The following PAFAH1B2 variants were observed in gnomAD, a reference collection of about 807,000 sequenced individuals.
PAFAH1B2 encodes the protein platelet activating factor acetylhydrolase 1b catalytic subunit 2, also known as platelet-activating factor acetylhydrolase IB subunit alpha2.
A neutral mutation model predicts 28.0 loss-of-function variants in PAFAH1B2; 8 were observed. The ratio of observed to expected loss-of-function variants is 0.29; its 90% CI spans 0.17 to 0.52. PAFAH1B2 has a LOEUF of 0.52. PAFAH1B2 is among the 20% of genes least tolerant of loss of function. PAFAH1B2 has a pLI of 0.97. For synonymous variants in PAFAH1B2, 104 were observed against 103.2 expected, an observed-to-expected ratio of 1.01 and a Z score of -0.05; for missense variants, 190 against 282.6, an observed-to-expected ratio of 0.67 and a Z score of 2.35.
At chr11:117,145,870 T>C (rs576007698) in intron 1 of PAFAH1B2, among the ~76,000 whole-genome samples, 105 of 152,304 alleles carry the variant, frequency 6.9e-4, no homozygotes, top group African/African-American at 2.3e-3. Context: ...TTGTTGGACG[T>C]GGTTTCTCAT....
Position 117,170,625 on chromosome 11 carries a change from T to TA in PAFAH1B2, c.*2926_*2927insA. On this transcript the variant is annotated 3_prime_UTR_variant, in exon 6 of 6. Coordinates refer to ENST00000527958, the MANE Select transcript of PAFAH1B2 (RefSeq NM_002572.4). ...CCCGGCTCTTAGGAATTTTGTCTGT[T>TA]TAAAAAAAAAAAAAAAAAAAAAGTC... The TA allele has an allele frequency of 2.0e-6, 2 of 1,000,996 alleles. No homozygotes were observed. Among genetic ancestry groups the TA allele is most frequent in the Admixed American group, 6.1e-5 (1 of 16,524 alleles). The allele number at this position is 1,000,996 out of a possible 1,614,324, so 62.0% of individuals were successfully genotyped here.
chr11:117,167,672 TGAG>T lies in PAFAH1B2; in HGVS notation c.667_669del (p.Glu223del), dbSNP rs1956543023. The stretch of plus-strand genomic sequence containing the variant: ...TCATGCAGTTGTTGGAGGAAACACC[TGAG>T]GAGAAACAAACCACCATTGCCTGAC... On this transcript the variant is annotated inframe_deletion, in exon 6 of 6. Coordinates refer to ENST00000527958, the MANE Select transcript of PAFAH1B2 (RefSeq NM_002572.4). 2 of 1,565,054 alleles carry T rather than the reference TGAG, an allele frequency of 1.3e-6. No homozygotes were observed. Among genetic ancestry groups the T allele is most frequent in the East Asian group, 2.3e-5 (1 of 43,634 alleles).
intron 5 of PAFAH1B2, among the ~76,000 whole-genome samples, chr11:117,165,831 A>T (rs1956495898): frequency 1.3e-5 from 2 of 150,636 alleles, no homozygotes. Context: ...CAGGTCATGT[A>T]GGATTTTTTT....
At chr11:117,146,841 A>G (rs1250327293) in intron 1 of PAFAH1B2, among the ~76,000 whole-genome samples, 1 of 13,302 alleles carries the variant, frequency 7.5e-5, no homozygotes, top group Non-Finnish European at 6.8e-4. Context: ...ATCTATTGGA[A>G]AAAAAAAAAA....
rs1490922750 is a variant in PAFAH1B2 at position 117,168,789 on chromosome 11, T to A, written c.*1090T>A. On this transcript the variant is annotated 3_prime_UTR_variant, in exon 6 of 6. Transcript: ENST00000527958. Reference sequence around the variant, plus strand: ...ATTTTATTTTTTTTATTGGCTTAGTTGTTTTTTGTTTTGTTTTGTTTGAGA... The same window carrying A: ...ATTTTATTTTTTTTATTGGCTTAGTAGTTTTTTGTTTTGTTTTGTTTGAGA... 10 of 983,354 alleles carry A rather than the reference T, an allele frequency of 1.0e-5. No homozygotes were observed. Among genetic ancestry groups the A allele is most frequent in the African/African-American group, 1.7e-5 (1 of 58,368 alleles). The allele number at this position is 983,354 out of a possible 1,614,324, so 60.9% of individuals were successfully genotyped here.
chr11:117,149,430 G>GTTTTTTTTTTT (rs746125678), intron 1 of PAFAH1B2, among the ~76,000 whole-genome samples: 3,766 of 85,810 alleles, frequency 0.044, 1,097 homozygotes, highest in African/African-American at 0.047. Flanking sequence ...TTTTCTAATC[G>GTTTTTTTTTTT]TTTTTTTTTT....
intron 3 of PAFAH1B2, among the ~76,000 whole-genome samples, chr11:117,160,450 C>T (rs894717203): frequency 2.6e-5 from 4 of 152,126 alleles, no homozygotes; most frequent in Non-Finnish European, 5.9e-5. Context: ...AGGGTTTAGG[C>T]ATTCTTCCAT....
At position 117,163,469 on chromosome 11, in the gene PAFAH1B2, T is replaced by A. The variant is rs565224825; in HGVS notation, c.289-301T>A. Among the ~76,000 whole-genome samples the A allele has an allele frequency of 1.4e-4, 22 of 152,252 alleles. No homozygotes were observed. In the South Asian group the frequency reaches 4.4e-3, roughly 30 times the overall value. ...GGTGGATTACCTGAGGTCAGGAGTT[T>A]GAGACCAGCCTGGGCAACGTGGTGA... is the stretch of plus-strand genomic sequence containing the variant. On this transcript the variant is annotated intron_variant, in intron 4 of 5. Coordinates refer to ENST00000527958, the MANE Select transcript of PAFAH1B2 (RefSeq NM_002572.4).
chr11:117,173,072 T>C (rs1473163735), downstream of PAFAH1B2, among the ~76,000 whole-genome samples: 2 of 152,236 alleles, frequency 1.3e-5, no homozygotes, highest in Non-Finnish European at 2.9e-5. Context: ...CTCATTTTTA[T>C]CGGTGATCTT....
At chr11:117,171,612 A>T, downstream of PAFAH1B2, 1 of 1,001,150 alleles carries the variant, frequency 1.0e-6, no homozygotes, top group Non-Finnish European at 1.5e-6. Flanking sequence ...TATCACCCTT[A>T]CGTCCCCAGG....
Position 117,170,339 on chromosome 11 carries a change from A to G in PAFAH1B2, c.*2640A>G. 9.4e-7 allele frequency: 1 copy of G among 1,061,180 alleles called. No individual in the cohort carries two copies. The highest frequency in any genetic ancestry group is 1.1e-6 in the Non-Finnish European group (1 of 877,654). The allele number at this position is 1,061,180 out of a possible 1,614,324, so 65.7% of individuals were successfully genotyped here. A position where few individuals can be genotyped will look rare whatever the true frequency, so the allele number is the denominator to read the frequency against. ...CCAGCAAATTTGTATTCCTTCGCCC[A>G]CGCATTCCTGCTATACTAGATGGCA... is the stretch of plus-strand genomic sequence containing the variant. On this transcript the variant is annotated 3_prime_UTR_variant, in exon 6 of 6. Transcript: ENST00000527958.
At chr11:117,176,148 G>A (rs946421736) in exon 6 of PAFAH1B2, 8 of 576,248 alleles carry the variant, frequency 1.4e-5, no homozygotes, top group South Asian at 4.3e-5. Flanking sequence ...TTTTCTGAGC[G>A]TCACTTTCCT....
chr11:117,172,385 TATATATA>T (rs1956683888), downstream of PAFAH1B2, among the ~76,000 whole-genome samples: 1 of 2,280 alleles, frequency 4.4e-4, no homozygotes, highest in Non-Finnish European at 9.1e-4. Flanking sequence ...TATATATATA[TATATATA>T]TATATATATA....
chr11:117,172,383 TA>T (rs1956682317), downstream of PAFAH1B2, among the ~76,000 whole-genome samples: 33 of 3,272 alleles, frequency 0.01, 2 homozygotes, highest in South Asian at 0.053. Context: ...TATATATATA[TA>T]TATATATATA....
Position 117,168,305 on chromosome 11 carries a change from T to G in PAFAH1B2, c.*606T>G, listed in dbSNP as rs1190293807. On this transcript the variant is annotated 3_prime_UTR_variant, in exon 6 of 6. Transcript: ENST00000527958. ...CCATGCTTAGCAGTGAAAAACAGGTTTTGCCCCAGTAGAGGGATTCTTTGG... is the reference window on the plus strand; with the variant it reads ...CCATGCTTAGCAGTGAAAAACAGGTGTTGCCCCAGTAGAGGGATTCTTTGG... 1.9e-6 allele frequency: 2 copies of G among 1,064,030 alleles called. No individual in the cohort carries two copies. The highest frequency in any genetic ancestry group is 2.3e-6 in the Non-Finnish European group (2 of 878,588). The allele number at this position is 1,064,030 out of a possible 1,614,324, so 65.9% of individuals were successfully genotyped here.
chr11:117,144,675 C>G (rs932675817), intron 1 of PAFAH1B2, among the ~76,000 whole-genome samples: 1 of 152,130 alleles, frequency 6.6e-6, no homozygotes, highest in Non-Finnish European at 1.5e-5. Flanking sequence ...CGAAAGCTGG[C>G]GTTTCTCCTC....
At chr11:117,163,641 C>T in intron 4 of PAFAH1B2, 129 bp from the exon 5 acceptor site, 1 of 914,650 alleles carries the variant, frequency 1.1e-6, no homozygotes, top group Non-Finnish European at 1.7e-6. Context: ...CCACTGCACT[C>T]CAGTCTGGGT....
In PAFAH1B2 at chr11:117,157,039, GA is replaced by G. The variant is rs918067395; in HGVS notation, c.82-2884del. Among the ~76,000 whole-genome samples the G allele has an allele frequency of 4.3e-4, 60 of 138,054 alleles. 1 individual carries two copies. Among genetic ancestry groups the G allele is most frequent in the South Asian group, 9.5e-4 (4 of 4,198 alleles). The allele number at this position is 138,054 out of a possible 152,430, so 90.6% of individuals were successfully genotyped here. A position where few individuals can be genotyped will look rare whatever the true frequency, so the allele number is the denominator to read the frequency against. Reference sequence around the variant, plus strand: ...AACCCTGTCTCAAAATCTCAAAAAAGAAAAAAAAAAAGAAAGGTAGTTGGTA... The same window carrying G: ...AACCCTGTCTCAAAATCTCAAAAAAGAAAAAAAAAAGAAAGGTAGTTGGTA... On this transcript the variant is annotated intron_variant, in intron 2 of 5. Transcript: ENST00000527958.
chr11:117,152,159 G>A (rs956918532), intron 1 of PAFAH1B2, among the ~76,000 whole-genome samples: 2 of 152,104 alleles, frequency 1.3e-5, no homozygotes, highest in African/African-American at 4.8e-5. Context: ...ACTAATATAG[G>A]TATAAAGTAT....
Sources: allele counts gnomAD v4.1 joint callset (sites outside exome capture counted in the v4.1 genomes callset), GRCh38; gene constraint gnomAD v4.1.1; transcripts MANE v1.5; gene names NCBI Gene and HGNC (gene_info 2026-07-23, HGNC 2026-07-21).